The following SON variants were observed in gnomAD, a reference collection of about 807,000 sequenced individuals.
SON encodes the protein SON DNA and RNA binding protein.
Under a neutral mutation model 173.3 loss-of-function variants are expected in SON, and 4 were observed. That is an observed-to-expected ratio of 0.02 (90% CI 0.01 to 0.05). The LOEUF (loss-of-function observed/expected upper bound fraction) is 0.05, where lower values mean the gene tolerates loss of function less well. Ranked by LOEUF, SON falls within the 10% of genes least tolerant of loss-of-function variation. The probability of loss-of-function intolerance (pLI) is 1.00; values close to 1 mark genes in which losing one functional copy is unlikely to be tolerated. For missense variants in SON, 2,626 were observed against 3,055.3 expected (o/e 0.86, Z 3.31); for synonymous variants, 1,190 against 1,105.9 (o/e 1.08, Z -1.51).
chr21:33,554,282 C>A lies in SON; in HGVS notation c.5051C>A (p.Pro1684His), dbSNP rs200562903. The change falls in exon 3 of 12, where the codon CCT (proline) becomes CAT (histidine). Residue 1684 changes from proline to histidine, a missense_variant. By Grantham distance (77) the Pro-to-His change is moderately conservative. Coordinates refer to ENST00000356577, the MANE Select transcript of SON (RefSeq NM_138927.4). ...AGTAAGGATACAGAAGAACCATTAC[C>A]TGTAAAAGAGAGTGACCAGACATTA... ...LVSKDTEEPL[P>H]VKESDQTLAA... is the part of the protein sequence containing the mutation. The A allele has an allele frequency of 6.2e-7, 1 of 1,614,110 alleles. No individual in the cohort carries two copies. Among genetic ancestry groups the A allele is most frequent in the African/African-American group, 1.3e-5 (1 of 75,008 alleles).
At chr21:33,573,145 C>A in intron 8 of SON, 163 bp from the exon 9 acceptor site, 1 of 528,042 alleles carries the variant, frequency 1.9e-6, no homozygotes, top group Non-Finnish European at 3.3e-6. Flanking sequence ...ATAATCAGAA[C>A]ATACACACTA....
chr21:33,573,055 G>A (rs1476384729), intron 8 of SON: 2 of 333,220 alleles, frequency 6.0e-6, no homozygotes, highest in African/African-American at 4.3e-5. Flanking sequence ...TTTTTTGAGG[G>A]GGGCACGAGG....
rs763163146 is a variant in SON, at chr21:33,577,328, A to G, written c.*904A>G. On this transcript the variant is annotated 3_prime_UTR_variant, in exon 12 of 12. Transcript: ENST00000356577. ...TATCTAATAAAATTGGCAACCAGCC[A>G]CTATTTTGTTGACTATGAGAAAGTT... 1.3e-5 allele frequency: 2 copies of G among 152,628 alleles called. No homozygotes were observed. Among genetic ancestry groups the G allele is most frequent in the Admixed American group, 1.3e-4 (2 of 15,274 alleles). 9.5% of individuals were successfully genotyped at this position (152,628 alleles called of 1,614,324 possible).
chr21:33,555,087 C>T lies in SON; in HGVS notation c.5856C>T (p.Ser1952=), dbSNP rs935691559. The stretch of plus-strand genomic sequence containing the variant: ...GTAGAAGAAGGAGCTTTAGCATTTC[C>T]CCAAGCCGCCGCAGCCGCACCCCCA... ...SVGRRRSFSI[S]PSRRSRTPSR... Residue 1952 remains serine, a synonymous_variant, in exon 3 of 12, where the codon TCC becomes TCT. Coordinates refer to ENST00000356577, the MANE Select transcript of SON (RefSeq NM_138927.4). 2 of 1,592,202 alleles carry T rather than the reference C, an allele frequency of 1.3e-6. No individual in the cohort carries two copies. Among genetic ancestry groups the T allele is most frequent in the African/African-American group, 2.7e-5 (2 of 73,480 alleles).
intron 6 of SON, among the ~76,000 whole-genome samples, chr21:33,561,911 A>G (rs2086077173): frequency 6.6e-6 from 1 of 152,220 alleles, no homozygotes; most frequent in East Asian, 1.9e-4. Context: ...TAAATGAATA[A>G]AGCAGATGAT....
chr21:33,546,193 C>T lies in SON; in HGVS notation c.78-20C>T, dbSNP rs74772689. ...GGTATGATAAAATATTAATGAATTTCGATAACTTTTCATGTCAAGTGGAAG... is the reference window on the plus strand; with the variant it reads ...GGTATGATAAAATATTAATGAATTTTGATAACTTTTCATGTCAAGTGGAAG... On this transcript the variant is annotated intron_variant, in intron 1 of 11. Coordinates refer to ENST00000356577, the MANE Select transcript of SON (RefSeq NM_138927.4). 33,094 of 1,576,156 alleles carry T rather than the reference C, an allele frequency of 0.021. 387 individuals carry two copies. The highest frequency in any genetic ancestry group is 0.024 in the Non-Finnish European group (28,241 of 1,163,698).
intron 7 of SON, among the ~76,000 whole-genome samples, chr21:33,568,423 G>C (rs149886292): frequency 6.6e-6 from 1 of 152,322 alleles, no homozygotes; most frequent in African/African-American, 2.4e-5. Flanking sequence ...TTGAACTCGG[G>C]AGGAGGAGGT....
chr21:33,549,012 GGTTAACT>G (rs2085689089), intron 2 of SON, among the ~76,000 whole-genome samples: 1 of 151,924 alleles, frequency 6.6e-6, no homozygotes, highest in Non-Finnish European at 1.5e-5. Flanking sequence ...GTAGTCTCCA[GGTTAACT>G]GTTTTATGAA....
At chr21:33,564,836 G>C (rs1166899634) in intron 6 of SON, among the ~76,000 whole-genome samples, 2 of 147,748 alleles carry the variant, frequency 1.4e-5, no homozygotes, top group African/African-American at 5.1e-5. Flanking sequence ...ACTCCAGCTT[G>C]GGCAATAAGG....
At chr21:33,549,352 C>T (rs1286203235) in intron 2 of SON, 124 bp from the exon 3 acceptor site, 8 of 751,166 alleles carry the variant, frequency 1.1e-5, no homozygotes, top group Admixed American at 3.6e-5. Context: ...AGATTACAGG[C>T]GTGAGCCACT....
At position 33,551,956 on chromosome 21, in the gene SON, A is replaced by G. The variant is rs2085805835; in HGVS notation, c.2725A>G (p.Lys909Glu). ...CCAAGATTCTGCTATGTTGGGTTCA[A>G]AATCTCCTGATCCCTATAGGTTAGC... ...STQDSAMLGSKSPDPYRLAQD... is the reference protein window; with the variant it reads ...STQDSAMLGSESPDPYRLAQD... Residue 909 changes from lysine (K) to glutamate (E), a missense_variant, in exon 3 of 12, where the codon AAA becomes GAA. Transcript: ENST00000356577. 3 of 1,614,012 alleles carry G rather than the reference A, an allele frequency of 1.9e-6. No homozygotes were observed. The highest frequency in any genetic ancestry group is 1.7e-6 in the Non-Finnish European group (2 of 1,180,004).
In SON at chr21:33,555,271, C is replaced by T; in HGVS notation, c.6040C>T (p.Pro2014Ser). ...AAGAAGACGAAGCTTCAGTATCTCA[C>T]CAGTCAGATTAAGGCGATCAAGAAC... Reference protein sequence around the residue: ...VVRRRSFSISPVRLRRSRTPL... With the variant: ...VVRRRSFSISSVRLRRSRTPL... Residue 2014 changes from proline (P) to serine (S), a missense_variant, in exon 3 of 12, where the codon CCA becomes TCA. By Grantham distance (74) the Pro-to-Ser change is moderately conservative. Coordinates refer to ENST00000356577, the MANE Select transcript of SON (RefSeq NM_138927.4). 1.2e-6 allele frequency: 2 copies of T among 1,612,572 alleles called. No homozygotes were observed. Among genetic ancestry groups the T allele is most frequent in the Non-Finnish European group, 1.7e-6 (2 of 1,179,436 alleles).
At position 33,551,527 on chromosome 21, in the gene SON, T is replaced by C; in HGVS notation, c.2296T>C (p.Leu766=). Residue 766 remains leucine, a synonymous_variant, in exon 3 of 12, where the codon TTA becomes CTA. Coordinates refer to ENST00000356577, the MANE Select transcript of SON (RefSeq NM_138927.4). ...GTCTAGCACCATGGACTCCCAGATGTTAGCAACTAGCTCCATGGACTCCCA... is the reference window on the plus strand; with the variant it reads ...GTCTAGCACCATGGACTCCCAGATGCTAGCAACTAGCTCCATGGACTCCCA... ...LASSTMDSQM[L]ATSSMDSQML... The C allele has an allele frequency of 6.2e-7, 1 of 1,613,914 alleles. No individual in the cohort carries two copies. The highest frequency in any genetic ancestry group is 1.3e-5 in the African/African-American group (1 of 74,990).
Position 33,554,357 on chromosome 21 carries a change from C to T in SON, c.5126C>T (p.Pro1709Leu), listed in dbSNP as rs2085905228. Residue 1709 changes from proline (P) to leucine (L), a missense_variant, in exon 3 of 12, where the codon CCT becomes CTT. Coordinates refer to ENST00000356577, the MANE Select transcript of SON (RefSeq NM_138927.4). The stretch of plus-strand genomic sequence containing the variant: ...AGTAGTGGAGGAGAAAAAGAAGTAC[C>T]TCCCCCTCCTAAAGAGACACTGCCT... The part of the protein sequence containing the change: ...KESSGGEKEV[P>L]PPPKETLPDS... 1 of 1,614,058 alleles carries T rather than the reference C, an allele frequency of 6.2e-7. No homozygotes were observed. The highest frequency in any genetic ancestry group is 8.5e-7 in the Non-Finnish European group (1 of 1,179,940).
At position 33,543,155 on chromosome 21, in the gene SON, A is replaced by G. The variant is rs745569200; in HGVS notation, c.63A>G (p.Gln21=). 1.2e-6 allele frequency: 2 copies of G among 1,614,116 alleles called. No homozygotes were observed. The highest frequency in any genetic ancestry group is 1.7e-6 in the Non-Finnish European group (2 of 1,179,924). ...TGGTCAGTAAATTCCGGGAAATTCA[A>G]CAGGAGCTTTCCAGGTAAACGCCTC... ...SFVVSKFREI[Q]QELSSGRNEG... The change falls in exon 1 of 12, where the codon CAA becomes CAG. Residue 21 remains glutamine, a synonymous_variant. Transcript: ENST00000356577.
intron 6 of SON, among the ~76,000 whole-genome samples, chr21:33,564,113 T>TA (rs1166632520): frequency 6.6e-6 from 1 of 152,226 alleles, no homozygotes; most frequent in East Asian, 1.9e-4. Context: ...TTCTACAGAT[T>TA]AAAGATTCTC....
intron 4 of SON, chr21:33,558,959 C>CTTATT (rs2086018506): frequency 8.4e-6 from 1 of 118,676 alleles, no homozygotes; most frequent in Non-Finnish European, 1.7e-5. Flanking sequence ...ATGTCTTCTA[C>CTTATT]TTTTTTTTTT....
In SON at chr21:33,553,215, C is replaced by T; in HGVS notation, c.3984C>T (p.Ser1328=). The change falls in exon 3 of 12, where the codon TCC becomes TCT. Residue 1328 remains serine (S), a synonymous_variant. Coordinates refer to ENST00000356577, the MANE Select transcript of SON (RefSeq NM_138927.4). The stretch of plus-strand genomic sequence containing the variant: ...ATGTTGCCTCAGAAGTATCTACATC[C>T]TTGTTGGTTCCAGCAGTAACTACTC... ...SGHVASEVST[S]LLVPAVTTPV... 1 of 1,614,166 alleles carries T rather than the reference C, an allele frequency of 6.2e-7. No homozygotes were observed. Among genetic ancestry groups the T allele is most frequent in the Non-Finnish European group, 8.5e-7 (1 of 1,180,038 alleles).
In SON at chr21:33,553,640, C is replaced by A; in HGVS notation, c.4409C>A (p.Thr1470Lys). The stretch of plus-strand genomic sequence containing the variant: ...CCAACTGAGGTGGCTATAGAGTCCA[C>A]ACCAATGATACTGGAATCTAGTATC... ...VIPTEVAIES[T>K]PMILESSIMS... The change falls in exon 3 of 12, where the codon ACA becomes AAA. Residue 1470 changes from threonine to lysine, a missense_variant. Thr to Lys is a moderately conservative substitution (Grantham distance 78). Around this residue, in one of 13 missense-constraint regions of SON, gnomAD observed 1,006 missense variants for 895.6 expected, o/e 1.12. Coordinates refer to ENST00000356577, the MANE Select transcript of SON (RefSeq NM_138927.4). 1 of 1,613,760 alleles carries A rather than the reference C, an allele frequency of 6.2e-7. No individual in the cohort carries two copies. The highest frequency in any genetic ancestry group is 8.5e-7 in the Non-Finnish European group (1 of 1,179,768).
Sources: gnomAD v4.1 joint callset for allele counts (sites outside exome capture counted in the v4.1 genomes callset) on GRCh38, gnomAD v4.1.1 for gene constraint, gnomAD v4.1.1 regional missense constraint, MANE v1.5 for transcripts, NCBI Gene and HGNC (gene_info 2026-07-23, HGNC 2026-07-21) for gene names.